Variants in BIRC6 observed in about 807,000 individuals in gnomAD.
The protein encoded by BIRC6 is baculoviral IAP repeat containing 6.
In BIRC6, 98 loss-of-function variants were observed where a neutral mutation model predicts 503.3. The ratio of observed to expected loss-of-function variants is 0.19; its 90% confidence interval spans 0.17 to 0.23. The LOEUF is 0.23. BIRC6 is among the 10% of genes least tolerant of loss of function. The pLI is 1.00. For synonymous variants in BIRC6, 2,240 were observed against 2,078.7 expected (o/e 1.08, Z -2.11); for missense variants, 5,360 against 5,806.0 (o/e 0.92, Z 2.50).
chr2:32,548,101 C>G, intron 64 of BIRC6, 87 bp downstream of exon 64: 1 of 1,234,910 alleles, frequency 8.1e-7, no homozygotes, highest in African/African-American at 1.5e-5. Flanking sequence ...ATCCAACTTT[C>G]CTCAGCTATG....
At chr2:32,547,276 C>G (rs1203055039) in intron 63 of BIRC6, among the ~76,000 whole-genome samples, 1 of 151,914 alleles carries the variant, frequency 6.6e-6, no homozygotes, top group Non-Finnish European at 1.5e-5. Flanking sequence ...TGGTTTATCC[C>G]TTCTTTTCTT....
intron 61 of BIRC6, among the ~76,000 whole-genome samples, chr2:32,537,793 C>T (rs183996938): frequency 0.016 from 2,491 of 151,994 alleles, 50 homozygotes; most frequent in African/African-American, 0.058. Flanking sequence ...GGTGAAATCC[C>T]GTCTCTACTA....
intron 57 of BIRC6, among the ~76,000 whole-genome samples, chr2:32,524,564 G>A (rs758862825): frequency 1.1e-4 from 17 of 152,104 alleles, no homozygotes; most frequent in Non-Finnish European, 1.9e-4. Flanking sequence ...CAAGCACATT[G>A]AACTATGGCT....
intron 3 of BIRC6, among the ~76,000 whole-genome samples, chr2:32,384,283 G>A (rs1272961209): frequency 6.6e-6 from 1 of 152,120 alleles, no homozygotes; most frequent in African/African-American, 2.4e-5. Flanking sequence ...TGTCTCTTTC[G>A]GTTAGCGTTG....
In BIRC6 at chr2:32,429,254, G is replaced by T. The variant is rs749675830; in HGVS notation, c.2981G>T (p.Gly994Val). Reference protein sequence around the residue: ...LSKGIEPSSEGSKPLSNPSSP... With the variant: ...LSKGIEPSSEVSKPLSNPSSP... ...AAAGGAATAGAACCATCTTCAGAAG[G>T]TTCCAAACCTTTATCAAATCCTTCA... Residue 994 changes from glycine (G) to valine (V), a missense_variant, in exon 11 of 74, where the codon GGT (glycine) becomes GTT (valine). Gly to Val is a moderately radical substitution (Grantham distance 109, BLOSUM62 -3). Transcript: ENST00000421745. The T allele has an allele frequency of 6.5e-7, 1 of 1,540,534 alleles. No individual in the cohort carries two copies. Among genetic ancestry groups the T allele is most frequent in the Non-Finnish European group, 8.7e-7 (1 of 1,143,798 alleles).
chr2:32,571,807 G>A (rs1272036851), intron 65 of BIRC6, among the ~76,000 whole-genome samples: 4 of 152,042 alleles, frequency 2.6e-5, no homozygotes, highest in East Asian at 1.9e-4. Context: ...CTAGTTCCTT[G>A]AGGTACATGT....
At chr2:32,494,375 G>C (rs570301346) in intron 45 of BIRC6, among the ~76,000 whole-genome samples, 1 of 151,540 alleles carries the variant, frequency 6.6e-6, no homozygotes, top group African/African-American at 2.4e-5. Flanking sequence ...TTACAGGCAC[G>C]CACCACCACA....
Position 32,477,553 on chromosome 2 carries a change from T to C in BIRC6, c.7038T>C (p.Cys2346=). 1 of 1,613,788 alleles carries C rather than the reference T, an allele frequency of 6.2e-7. No individual in the cohort carries two copies. Among genetic ancestry groups the C allele is most frequent in the South Asian group, 1.1e-5 (1 of 91,078 alleles). Residue 2346 remains cysteine, a synonymous_variant, in exon 35 of 74, where the codon TGT becomes TGC. Transcript: ENST00000421745. ...TTCTTCTCTCCATGGACTTTACATG[T>C]CATGCAGATCTCTTATTGTTTGTTT... ...VLFLLSMDFT[C]HADLLLFVCK...
chr2:32,561,856 A>G (rs907052089), intron 65 of BIRC6, among the ~76,000 whole-genome samples: 6 of 151,414 alleles, frequency 4.0e-5, no homozygotes, highest in Admixed American at 2.6e-4. Flanking sequence ...AGCCTGGCCA[A>G]CATGGTGAAA....
chr2:32,388,080 G>A (rs1382215817), intron 3 of BIRC6, among the ~76,000 whole-genome samples: 1 of 151,878 alleles, frequency 6.6e-6, no homozygotes, highest in Non-Finnish European at 1.5e-5. Flanking sequence ...TATTCTTTTA[G>A]CAATTTTGAA....
chr2:32,519,783 G>C (rs1468470648), intron 57 of BIRC6, among the ~76,000 whole-genome samples: 2 of 152,204 alleles, frequency 1.3e-5, no homozygotes, highest in Non-Finnish European at 2.9e-5. Flanking sequence ...CTCCCAAATT[G>C]CTGGGATTAC....
At chr2:32,435,924 T>TAA in intron 14 of BIRC6, 129 bp from the exon 15 acceptor site, 2 of 555,716 alleles carry the variant, frequency 3.6e-6, no homozygotes, top group Non-Finnish European at 5.6e-6. Flanking sequence ...TGACAATTCT[T>TAA]ATTTTAACAC....
intron 66 of BIRC6, among the ~76,000 whole-genome samples, chr2:32,583,199 G>A (rs74598677): frequency 6.6e-6 from 1 of 152,168 alleles, no homozygotes; most frequent in Non-Finnish European, 1.5e-5. Flanking sequence ...TGGCAGCTAG[G>A]GGTGTTTAAT....
chr2:32,433,733 A>G lies in BIRC6; in HGVS notation c.3338A>G (p.Asn1113Ser), dbSNP rs769986737. 1.2e-6 allele frequency: 2 copies of G among 1,603,618 alleles called. No individual in the cohort carries two copies. The highest frequency in any genetic ancestry group is 1.7e-6 in the Non-Finnish European group (2 of 1,172,674). ...HVDFKFVLNSNITNIPQIQVT... is the reference protein window; with the variant it reads ...HVDFKFVLNSSITNIPQIQVT... ...GACTTCAAATTCGTTTTGAACTCAA[A>G]CATCACCAATATTCCACAGATACAA... The change falls in exon 13 of 74, where the codon AAC (asparagine) becomes AGC (serine). Residue 1113 changes from asparagine (N) to serine (S), a missense_variant. Around this residue, in one of 16 missense-constraint regions of BIRC6, gnomAD observed 2,299 missense variants for 2,267.2 expected, o/e 1.01. Transcript: ENST00000421745.
intron 50 of BIRC6, 199 bp downstream of exon 50, chr2:32,505,404 A>G: frequency 1.8e-6 from 1 of 548,074 alleles, no homozygotes; most frequent in Admixed American, 3.1e-5. Flanking sequence ...CAAAAAGATT[A>G]TGTAATGAAG....
intron 69 of BIRC6, 49 bp downstream of exon 69, chr2:32,598,017 C>G (rs756030052): frequency 2.1e-6 from 3 of 1,431,350 alleles, no homozygotes; most frequent in Non-Finnish European, 9.5e-7. Flanking sequence ...CTTGGCTCAT[C>G]TAATTACTCA....
chr2:32,439,363 T>A, intron 15 of BIRC6, 145 bp from the exon 16 acceptor site: 3 of 770,490 alleles, frequency 3.9e-6, no homozygotes, highest in Non-Finnish European at 6.1e-6. Flanking sequence ...GGTTCAACTT[T>A]CTTCTGCTCA....
In BIRC6 at chr2:32,415,817, G is replaced by A. The variant is rs377574138; in HGVS notation, c.2526G>A (p.Glu842=). Residue 842 remains glutamate, a synonymous_variant, in exon 10 of 74, where the codon GAG becomes GAA. Coordinates refer to ENST00000421745, the MANE Select transcript of BIRC6 (RefSeq NM_016252.4). ...CTCGGATAGTGACTTTAGAAGAGGA[G>A]CCAATAAAAATACAACATATCAAAG... ...YATRIVTLEE[E]PIKIQHIKDP... is the part of the protein sequence containing the mutation. The A allele has an allele frequency of 2.5e-6, 4 of 1,613,594 alleles. No individual in the cohort carries two copies. The highest frequency in any genetic ancestry group is 1.3e-5 in the African/African-American group (1 of 74,894).
chr2:32,463,463 T>C, intron 24 of BIRC6, 82 bp downstream of exon 24: 3 of 1,359,664 alleles, frequency 2.2e-6, no homozygotes, highest in Non-Finnish European at 2.9e-6. Flanking sequence ...ACCATTATTT[T>C]CATAAAGAAA....
Sources: allele counts gnomAD v4.1 joint callset (sites outside exome capture counted in the v4.1 genomes callset), GRCh38; gene constraint gnomAD v4.1.1; regional missense constraint gnomAD v4.1.1; transcripts MANE v1.5; gene names NCBI Gene and HGNC (gene_info 2026-07-23, HGNC 2026-07-21).